The following MPPED2 variants were observed in gnomAD, a reference collection of about 807,000 sequenced individuals.
MPPED2 encodes the protein metallophosphoesterase domain containing 2, also known as metallophosphoesterase MPPED2.
In MPPED2, 5 loss-of-function variants were observed where a neutral mutation model predicts 33.0. The ratio of observed to expected loss-of-function variants is 0.15; its 90% CI spans 0.08 to 0.32. The LOEUF (loss-of-function observed/expected upper bound fraction) is 0.32, where lower values mean the gene tolerates loss of function less well. Among genes scored for constraint, MPPED2 ranks in the 10% least tolerant of loss-of-function variants. The pLI is 1.00. For synonymous variants in MPPED2, 136 were observed against 141.9 expected (o/e 0.96, Z 0.29); for missense variants, 275 against 372.1 (o/e 0.74, Z 2.15).
chr11:30,508,254 A>G (rs2134286138), intron 3 of MPPED2, among the ~76,000 whole-genome samples: 1 of 152,338 alleles, frequency 6.6e-6, no homozygotes, highest in East Asian at 1.9e-4. Flanking sequence ...GTTTGGCATG[A>G]CAGTAAAATG....
chr11:30,545,144 A>G (rs577894837), intron 2 of MPPED2, among the ~76,000 whole-genome samples: 1 of 152,266 alleles, frequency 6.6e-6, no homozygotes, highest in Admixed American at 6.5e-5. Context: ...CATGGAAAAC[A>G]TCTTTCTCCC....
rs1021557001 is a variant in MPPED2, at chr11:30,469,223, T to C, written c.536+26073A>G. On this transcript the variant is annotated intron_variant, in intron 4 of 6. Coordinates refer to ENST00000358117, the MANE Select transcript of MPPED2 (RefSeq NM_001584.3). ...AAAGAAGTGTAGTTTTCACTGACTT[T>C]ATGTGTGTGCATTTCTGTTTTCTTA... 1.4e-4 allele frequency among the ~76,000 whole-genome samples: 21 copies of C among 152,374 alleles called. No homozygotes were observed. The South Asian group carries it at 4.3e-3, about 32-fold the overall frequency.
intron 4 of MPPED2, among the ~76,000 whole-genome samples, chr11:30,432,198 T>A (rs1207763569): frequency 6.6e-6 from 1 of 151,700 alleles, no homozygotes; most frequent in East Asian, 1.9e-4. Flanking sequence ...AATTTATCAA[T>A]CTCCAGGTAA....
At chr11:30,546,505 T>C (rs1222309) in intron 2 of MPPED2, among the ~76,000 whole-genome samples, 147,576 of 152,272 alleles carry the variant, frequency 0.97, 71,570 homozygotes, top group African/African-American at 0.99. Context: ...GCCCAGTTCC[T>C]CAAAGCTTAA....
chr11:30,406,361 G>C (rs1410260063), downstream of MPPED2, among the ~76,000 whole-genome samples: 1 of 152,136 alleles, frequency 6.6e-6, no homozygotes, highest in Non-Finnish European at 1.5e-5. Flanking sequence ...TGCCAAAGTG[G>C]GGCATTATCT....
chr11:30,490,961 T>C (rs1436872575), intron 4 of MPPED2, among the ~76,000 whole-genome samples: 2 of 152,356 alleles, frequency 1.3e-5, no homozygotes, highest in African/African-American at 4.8e-5. Flanking sequence ...CTTATTTTGA[T>C]TTCTATTTTT....
exon 7 of MPPED2, chr11:30,386,810 AT>A (rs1947708035): frequency 5.0e-6 from 2 of 398,486 alleles, no homozygotes; most frequent in Non-Finnish European, 8.8e-6. Flanking sequence ...TATTAGTAGG[AT>A]TATTATACAG....
chr11:30,452,116 T>C (rs765986940), intron 4 of MPPED2: 90 of 984,762 alleles, frequency 9.1e-5, no homozygotes, highest in Non-Finnish European at 1.0e-4. Flanking sequence ...AGATTATTTC[T>C]CTTCTCTACT....
chr11:30,555,180 A>G (rs1006950231), intron 2 of MPPED2, among the ~76,000 whole-genome samples: 1 of 152,192 alleles, frequency 6.6e-6, no homozygotes, highest in Non-Finnish European at 1.5e-5. Context: ...TCACTCAGCC[A>G]GGACTCAGTC....
chr11:30,463,897 C>T (rs1400281267), intron 4 of MPPED2, among the ~76,000 whole-genome samples: 1 of 150,622 alleles, frequency 6.6e-6, no homozygotes, highest in Non-Finnish European at 1.5e-5. Flanking sequence ...TGAAATAACA[C>T]ATAATTTGAA....
intron 6 of MPPED2, among the ~76,000 whole-genome samples, chr11:30,394,698 T>C (rs1360671984): frequency 6.6e-6 from 1 of 152,184 alleles, no homozygotes; most frequent in East Asian, 1.9e-4. Context: ...TCCCACTCTG[T>C]AATTTGTATT....
intron 2 of MPPED2, among the ~76,000 whole-genome samples, chr11:30,547,756 T>C (rs1955500453): frequency 6.6e-6 from 1 of 152,240 alleles, no homozygotes; most frequent in Non-Finnish European, 1.5e-5. Context: ...TACAAATCTG[T>C]TACAACAACT....
chr11:30,576,050 T>C (rs892915310), intron 2 of MPPED2, among the ~76,000 whole-genome samples: 1 of 152,244 alleles, frequency 6.6e-6, no homozygotes, highest in Non-Finnish European at 1.5e-5. Flanking sequence ...GAAAAAATTA[T>C]TAATGATAAC....
intron 3 of MPPED2, among the ~76,000 whole-genome samples, chr11:30,508,015 C>A (rs189013563): frequency 7.6e-4 from 116 of 152,186 alleles, no homozygotes; most frequent in African/African-American, 2.8e-3. Context: ...GAGATCTAGG[C>A]CTCAGCATCT....
At chr11:30,530,886 G>T (rs933369984) in intron 3 of MPPED2, among the ~76,000 whole-genome samples, 3 of 152,190 alleles carry the variant, frequency 2.0e-5, no homozygotes, top group Non-Finnish European at 4.4e-5. Flanking sequence ...AACACACATG[G>T]TAAGAGGCCT....
intron 3 of MPPED2, among the ~76,000 whole-genome samples, chr11:30,510,785 A>G (rs1399823202): frequency 6.6e-6 from 1 of 152,220 alleles, no homozygotes; most frequent in Admixed American, 6.5e-5. Context: ...CTGGTTTAAA[A>G]AGAAGGTATT....
chr11:30,519,571 A>G (rs909879673), intron 3 of MPPED2, among the ~76,000 whole-genome samples: 15 of 152,082 alleles, frequency 9.9e-5, no homozygotes, highest in African/African-American at 3.4e-4. Flanking sequence ...AGATATATAT[A>G]TGTGTCTATA....
intron 4 of MPPED2, among the ~76,000 whole-genome samples, chr11:30,419,813 C>T (rs1948533253): frequency 6.6e-6 from 1 of 151,970 alleles, no homozygotes; most frequent in Non-Finnish European, 1.5e-5. Context: ...ATAGATAGCC[C>T]CTGCTTGAGA....
At chr11:30,552,888 A>C (rs1248860487) in intron 2 of MPPED2, among the ~76,000 whole-genome samples, 1 of 152,200 alleles carries the variant, frequency 6.6e-6, no homozygotes, top group Non-Finnish European at 1.5e-5. Context: ...ATAGGTAAGA[A>C]TCACCATGAG....
Sources: gnomAD v4.1 joint callset for allele counts (sites outside exome capture counted in the v4.1 genomes callset) on GRCh38, gnomAD v4.1.1 for gene constraint, MANE v1.5 for transcripts, NCBI Gene and HGNC (gene_info 2026-07-23, HGNC 2026-07-21) for gene names.